Variants in SLTM observed in about 807,000 individuals in gnomAD.
SLTM encodes SAFB like transcription modulator.
In SLTM, 43 loss-of-function variants were observed where a neutral mutation model predicts 134.6. The ratio of observed to expected loss-of-function variants is 0.32; its 90% CI spans 0.25 to 0.41. The LOEUF (loss-of-function observed/expected upper bound fraction) is 0.41. Among genes scored for constraint, SLTM ranks in the 10% least tolerant of loss-of-function variants. SLTM has a pLI of 1.00. For missense variants in SLTM, 1,055 were observed against 1,288.8 expected (o/e 0.82, Z 2.78); for synonymous variants, 424 against 432.3 (o/e 0.98, Z 0.24).
intron 20 of SLTM, among the ~76,000 whole-genome samples, chr15:58,882,201 T>C (rs2033792875): frequency 4.2e-5 from 1 of 23,826 alleles, no homozygotes; most frequent in Non-Finnish European, 1.5e-4. Context: ...AAACCACACT[T>C]AGAAATTTAT....
At chr15:58,933,009 A>T (rs557165276) in intron 1 of SLTM, among the ~76,000 whole-genome samples, 1 of 152,346 alleles carries the variant, frequency 6.6e-6, no homozygotes, top group Non-Finnish European at 1.5e-5. Flanking sequence ...AAGTCACCAA[A>T]GTAACCATTC....
At chr15:58,887,658 G>T in intron 17 of SLTM, 118 bp from the exon 18 acceptor site, 1 of 1,465,056 alleles carries the variant, frequency 6.8e-7, no homozygotes. Context: ...TTAAGGCAAA[G>T]CCATGGAAAA....
chr15:58,890,287 A>G lies in SLTM; in HGVS notation c.2073T>C (p.Ile691=), dbSNP rs757776122. The G allele has an allele frequency of 2.5e-6, 4 of 1,613,998 alleles. No homozygotes were observed. The East Asian group carries it at 6.7e-5, about 27-fold the overall frequency. ...AAAGATTTTCTGACTGCACCTGTTC[A>G]ATACGAATGCGTTCCCTTTCCAAGC... ...RERLERERIR[I]EQERRKEAER... The change falls in exon 15 of 21, where the codon ATT becomes ATC. Residue 691 remains isoleucine, a synonymous_variant. Coordinates refer to ENST00000380516, the MANE Select transcript of SLTM (RefSeq NM_024755.4).
chr15:58,933,225 G>A (rs2038012677), intron 1 of SLTM, among the ~76,000 whole-genome samples, 179 bp downstream of exon 1: 1 of 151,674 alleles, frequency 6.6e-6, no homozygotes, highest in South Asian at 2.1e-4. Flanking sequence ...GCGCGGGGCG[G>A]GGGCACCGCG....
At chr15:58,887,827 T>C (rs2034343725) in intron 17 of SLTM, among the ~76,000 whole-genome samples, 2 of 152,144 alleles carry the variant, frequency 1.3e-5, no homozygotes, top group African/African-American at 2.4e-5. Context: ...TTGAGGCATA[T>C]CCAAAGCAAT....
chr15:58,895,047 G>C (rs568957475), intron 9 of SLTM, among the ~76,000 whole-genome samples: 8 of 152,214 alleles, frequency 5.3e-5, no homozygotes, highest in African/African-American at 1.9e-4. Flanking sequence ...ACCCATCTTA[G>C]TAAATATTCA....
In SLTM at chr15:58,899,186, AAC is replaced by A. The variant is rs1214437646; in HGVS notation, c.1058+281_1058+282del. 1 of 453,558 alleles carries A rather than the reference AAC, an allele frequency of 2.2e-6. No individual in the cohort carries two copies. The highest frequency in any genetic ancestry group is 3.9e-6 in the Non-Finnish European group (1 of 259,058). 28.1% of individuals were successfully genotyped at this position (453,558 alleles called of 1,614,324 possible). On this transcript the variant is annotated intron_variant, in intron 7 of 20. Coordinates refer to ENST00000380516, the MANE Select transcript of SLTM (RefSeq NM_024755.4). This position sits in a 1 kb window ranked among gnomAD's most constrained non-coding sequence, Gnocchi z 5.0. ...TCATCACAAGGATTTTAAAAAATAAAACACAAAAAAATTGTCAATTTGAAAAA... is the reference window on the plus strand; with the variant it reads ...TCATCACAAGGATTTTAAAAAATAAAACAAAAAAATTGTCAATTTGAAAAA...
Position 58,913,748 on chromosome 15 carries a change from A to C in SLTM, c.316-52T>G, listed in dbSNP as rs550167671. 1.3e-4 allele frequency: 188 copies of C among 1,448,692 alleles called. 1 individual carries two copies. In the South Asian group the frequency reaches 2.2e-3, roughly 17 times the overall value. 89.7% of individuals were successfully genotyped at this position (1,448,692 alleles called of 1,614,324 possible). A position where few individuals can be genotyped will look rare whatever the true frequency, so the allele number is the denominator to read the frequency against. The stretch of plus-strand genomic sequence containing the variant: ...AACTAGAGGCAAAGTAGTGTGGGCT[A>C]TCCACCAAACGTTTTTGGTAATTTA... On this transcript the variant is annotated intron_variant, in intron 3 of 20. Transcript: ENST00000380516.
intron 16 of SLTM, 27 bp from the exon 17 acceptor site, chr15:58,888,582 C>T (rs771504973): frequency 1.2e-6 from 2 of 1,610,586 alleles, no homozygotes; most frequent in Non-Finnish European, 8.5e-7. Flanking sequence ...TGCTTATTTA[C>T]ATAAATTAGT....
intron 6 of SLTM, 191 bp downstream of exon 6, chr15:58,901,069 A>G: frequency 1.8e-6 from 1 of 566,718 alleles, no homozygotes; most frequent in East Asian, 3.1e-5. Flanking sequence ...AAGTTGCAAT[A>G]TATCTTTAGT....
chr15:58,889,344 G>C, intron 16 of SLTM, 86 bp downstream of exon 16: 1 of 1,532,568 alleles, frequency 6.5e-7, no homozygotes, highest in South Asian at 1.2e-5. Flanking sequence ...CCAGTGATGG[G>C]AGCCTGTACT....
rs145425755 is a variant in SLTM, at chr15:58,883,658, C to T, written c.2964G>A (p.Arg988=). The T allele has an allele frequency of 6.1e-5, 99 of 1,613,976 alleles. No individual in the cohort carries two copies. The highest frequency in any genetic ancestry group is 1.6e-4 in the Middle Eastern group (1 of 6,084). Residue 988 remains arginine, a synonymous_variant, in exon 20 of 21, where the codon CGG becomes CGA. Coordinates refer to ENST00000380516, the MANE Select transcript of SLTM (RefSeq NM_024755.4). ...GTTGGGTTATCATGCCTGCTCCTGC[C>T]CGGCCGTCACCCATTCGCCTCGTAT... is the stretch of plus-strand genomic sequence containing the variant. ...YHDTRRMGDG[R]AGAGMITQHS...
chr15:58,897,401 G>A, intron 8 of SLTM, 168 bp from the exon 9 acceptor site: 2 of 532,446 alleles, frequency 3.8e-6, no homozygotes, highest in Non-Finnish European at 6.7e-6. Context: ...TGACTAGTGA[G>A]GGGAAAAAAT....
Position 58,889,484 on chromosome 15 carries a change from C to G in SLTM, c.2150G>C (p.Arg717Pro). The change falls in exon 16 of 21, where the codon CGT (arginine) becomes CCT (proline). Residue 717 changes from arginine to proline, a missense_variant. Arg to Pro is a moderately radical substitution (Grantham distance 103, BLOSUM62 -2). This residue lies in a region of SLTM where 776 missense variants were observed against 962.2 expected (regional missense o/e 0.81). Coordinates refer to ENST00000380516, the MANE Select transcript of SLTM (RefSeq NM_024755.4). ...EELRRQQQQL[R>P]YEQEKRNSLK... ...GGAATTCCTTTTTTCTTGTTCATAA[C>G]GAAGCTGCTGTTGTTGCCTTCTGAG... 1 of 1,614,076 alleles carries G rather than the reference C, an allele frequency of 6.2e-7. No homozygotes were observed. Among genetic ancestry groups the G allele is most frequent in the Non-Finnish European group, 8.5e-7 (1 of 1,179,942 alleles).
intron 2 of SLTM, 35 bp from the exon 3 acceptor site, chr15:58,917,034 T>C: frequency 6.3e-7 from 1 of 1,594,922 alleles, no homozygotes; most frequent in Non-Finnish European, 8.6e-7. Context: ...ACAACCAATA[T>C]TTTATTACTT....
intron 2 of SLTM, among the ~76,000 whole-genome samples, chr15:58,930,629 A>G (rs1333845254): frequency 6.6e-6 from 1 of 151,620 alleles, no homozygotes; most frequent in South Asian, 2.1e-4. Context: ...GGGAGGGATC[A>G]CTTAAGCCCA....
chr15:58,933,545 C>T lies in SLTM; in HGVS notation c.21G>A (p.Ala7=), dbSNP rs762761452. The part of the protein sequence containing the change: MAAATG[A]VAASAASGQA... ...GACCCGAGGCGGCCGAGGCTGCCACCGCACCGGTAGCGGCAGCCATCTTAG... is the reference window on the plus strand; with the variant it reads ...GACCCGAGGCGGCCGAGGCTGCCACTGCACCGGTAGCGGCAGCCATCTTAG... Residue 7 remains alanine, a synonymous_variant, in exon 1 of 21, where the codon GCG becomes GCA. Transcript: ENST00000380516. The T allele has an allele frequency of 2.8e-5, 44 of 1,594,536 alleles. No individual in the cohort carries two copies. The highest frequency in any genetic ancestry group is 3.7e-5 in the Non-Finnish European group (43 of 1,171,944).
At chr15:58,885,552 T>C (rs944333048) in intron 19 of SLTM, among the ~76,000 whole-genome samples, 2 of 152,116 alleles carry the variant, frequency 1.3e-5, no homozygotes, top group African/African-American at 4.8e-5. Context: ...TCCAGCACTT[T>C]GGGAGACAGA....
Position 58,879,979 on chromosome 15 carries a change from C to G in SLTM, c.*20G>C, listed in dbSNP as rs535187227. On this transcript the variant is annotated 3_prime_UTR_variant, in exon 21 of 21. Transcript: ENST00000380516. ...GAGATTTCAATAAATTATCTTAAAACCTTGGCAGAGAGCTCATTTTCAGAA... is the reference window on the plus strand; with the variant it reads ...GAGATTTCAATAAATTATCTTAAAAGCTTGGCAGAGAGCTCATTTTCAGAA... 3.1e-6 allele frequency: 5 copies of G among 1,611,630 alleles called. No homozygotes were observed. The highest frequency in any genetic ancestry group is 4.2e-6 in the Non-Finnish European group (5 of 1,178,796).
Sources: gnomAD v4.1 joint callset for allele counts (sites outside exome capture counted in the v4.1 genomes callset) on GRCh38, gnomAD v4.1.1 for gene constraint, gnomAD v4.1.1 regional missense constraint, Gnocchi (gnomAD v3.1) non-coding constraint, MANE v1.5 for transcripts, NCBI Gene and HGNC (gene_info 2026-07-23, HGNC 2026-07-21) for gene names.